The following LYPLAL1 variants were observed in gnomAD, a reference collection of about 807,000 sequenced individuals.
LYPLAL1 encodes lysophospholipase-like protein 1.
In LYPLAL1, 23 loss-of-function variants were observed where a neutral mutation model predicts 19.7. The observed-to-expected ratio is 1.17, with a 90% CI of 0.84 to 1.65. The LOEUF (loss-of-function observed/expected upper bound fraction) is 1.65, where lower values mean the gene tolerates loss of function less well. Among genes scored for constraint, LYPLAL1 ranks in the 40% most tolerant of loss-of-function variants. The pLI is 0.00. For synonymous variants in LYPLAL1, 119 were observed against 96.3 expected, an observed-to-expected ratio of 1.24 and a Z score of -1.38; for missense variants, 355 against 279.4, an observed-to-expected ratio of 1.27 and a Z score of -1.93.
chr1:219,409,871 T>G, the LYPLAL1 span: 1 of 152,244 alleles, frequency 6.6e-6, no homozygotes, highest in Non-Finnish European at 1.5e-5. Flanking sequence ...AACTCCATTT[T>G]GACGAACACC....
intron 2 of LYPLAL1, among the ~76,000 whole-genome samples, chr1:219,184,238 G>A (rs908061760): frequency 1.3e-5 from 2 of 151,822 alleles, no homozygotes; most frequent in Non-Finnish European, 2.9e-5. Flanking sequence ...AGTTTTTAGT[G>A]TAGAAGTCTT....
chr1:219,332,949 C>T, the LYPLAL1 span, among the ~76,000 whole-genome samples: 1 of 151,560 alleles, frequency 6.6e-6, no homozygotes, highest in East Asian at 1.9e-4. Context: ...GAAACTAGGT[C>T]CCAGTTTTCT....
At chr1:219,368,011 T>C in the LYPLAL1 span, among the ~76,000 whole-genome samples, 1 of 151,782 alleles carries the variant, frequency 6.6e-6, no homozygotes, top group South Asian at 2.1e-4. Context: ...TAAGCTGAAG[T>C]AAGAACTATG....
At chr1:219,351,248 C>G in the LYPLAL1 span, among the ~76,000 whole-genome samples, 1 of 151,976 alleles carries the variant, frequency 6.6e-6, no homozygotes, top group Non-Finnish European at 1.5e-5. Context: ...CACTTTCTCT[C>G]AGGACCTTTT....
chr1:219,200,996 T>A (rs1283474839), intron 3 of LYPLAL1, among the ~76,000 whole-genome samples: 1 of 152,216 alleles, frequency 6.6e-6, no homozygotes, highest in Non-Finnish European at 1.5e-5. Context: ...TTAGCTGAAC[T>A]TTTTTAAGAT....
At chr1:219,284,500 A>C in the LYPLAL1 span, among the ~76,000 whole-genome samples, 1 of 152,200 alleles carries the variant, frequency 6.6e-6, no homozygotes, top group Non-Finnish European at 1.5e-5. Flanking sequence ...TAATATATAC[A>C]CCTACTATGT....
At chr1:219,182,267 T>C (rs1380045278) in intron 2 of LYPLAL1, among the ~76,000 whole-genome samples, 1 of 152,156 alleles carries the variant, frequency 6.6e-6, no homozygotes, top group East Asian at 1.9e-4. Flanking sequence ...AGTATTTTAT[T>C]AGAATGCTCT....
chr1:219,394,114 A>G, the LYPLAL1 span, among the ~76,000 whole-genome samples: 1 of 152,158 alleles, frequency 6.6e-6, no homozygotes, highest in Non-Finnish European at 1.5e-5. Flanking sequence ...ACTACTAGAT[A>G]TAAGATAAGC....
the LYPLAL1 span, among the ~76,000 whole-genome samples, chr1:219,440,217 T>G: frequency 3.3e-5 from 5 of 151,922 alleles, no homozygotes; most frequent in Admixed American, 3.3e-4. Context: ...TAACGTAGAT[T>G]AGATTAAGCA....
chr1:219,235,040 A>G, the LYPLAL1 span, among the ~76,000 whole-genome samples: 1 of 152,186 alleles, frequency 6.6e-6, no homozygotes, highest in Non-Finnish European at 1.5e-5. Flanking sequence ...TACTATGTAT[A>G]TCTTGCATAA....
chr1:219,373,041 T>C, the LYPLAL1 span, among the ~76,000 whole-genome samples: 1 of 152,230 alleles, frequency 6.6e-6, no homozygotes, highest in Admixed American at 6.5e-5. Context: ...CTTAGCTGTT[T>C]GTGCCATGCA....
At chr1:219,312,743 C>T in the LYPLAL1 span, among the ~76,000 whole-genome samples, 9 of 152,304 alleles carry the variant, frequency 5.9e-5, no homozygotes, top group Admixed American at 5.9e-4. Context: ...AAGCATATGA[C>T]TTCAGGTGGT....
the LYPLAL1 span, among the ~76,000 whole-genome samples, chr1:219,403,485 A>G: frequency 6.6e-6 from 1 of 152,210 alleles, no homozygotes; most frequent in Non-Finnish European, 1.5e-5. Flanking sequence ...GGGAACTGGG[A>G]TCACAAGAGG....
At chr1:219,191,875 A>T (rs548917293) in intron 2 of LYPLAL1, among the ~76,000 whole-genome samples, 1 of 151,798 alleles carries the variant, frequency 6.6e-6, no homozygotes, top group Non-Finnish European at 1.5e-5. Context: ...TAATGTTTAT[A>T]TGATTCTATT....
chr1:219,406,912 G>C, the LYPLAL1 span, among the ~76,000 whole-genome samples: 1 of 152,156 alleles, frequency 6.6e-6, no homozygotes, highest in Admixed American at 6.5e-5. Flanking sequence ...AAAATGAGAA[G>C]GATCTTAACT....
chr1:219,320,457 A>T, the LYPLAL1 span, among the ~76,000 whole-genome samples: 1 of 152,164 alleles, frequency 6.6e-6, no homozygotes, highest in South Asian at 2.1e-4. Flanking sequence ...TTTTATTATT[A>T]TACTTTAAGT....
At chr1:219,304,838 C>T in the LYPLAL1 span, among the ~76,000 whole-genome samples, 1 of 152,114 alleles carries the variant, frequency 6.6e-6, no homozygotes, top group Non-Finnish European at 1.5e-5. Context: ...GGTCATAGCA[C>T]AATAAACGAG....
At position 219,211,970 on chromosome 1, in the gene LYPLAL1, C is replaced by G. The variant is rs1659079982; in HGVS notation, c.*242C>G. The G allele has an allele frequency of 3.3e-6, 1 of 299,212 alleles. No homozygotes were observed. 18.5% of individuals were successfully genotyped at this position (299,212 alleles called of 1,614,324 possible). On this transcript the variant is annotated 3_prime_UTR_variant, in exon 5 of 5. Transcript: ENST00000366928. ...TTTGGAAACCTTTTAAGTATTTAAA[C>G]TTTTAAATTTTTGAAATAAAGTATT...
chr1:219,437,959 G>C, the LYPLAL1 span, among the ~76,000 whole-genome samples: 65 of 151,998 alleles, frequency 4.3e-4, no homozygotes, highest in African/African-American at 1.5e-3. Flanking sequence ...TAGAGATGGG[G>C]TTTCACCATG....
Sources: allele counts gnomAD v4.1 joint callset (sites outside exome capture counted in the v4.1 genomes callset), GRCh38; gene constraint gnomAD v4.1.1; transcripts MANE v1.5; gene names NCBI Gene and HGNC (gene_info 2026-07-23, HGNC 2026-07-21).